The following TSGA10IP variants were observed in gnomAD, a reference collection of about 807,000 sequenced individuals.
TSGA10IP encodes the protein testis specific 10 interacting protein, also known as testis-specific protein 10-interacting protein.
Under a neutral mutation model 63.2 loss-of-function variants are expected in TSGA10IP, and 64 were observed. That is an observed-to-expected ratio of 1.01 (90% confidence interval 0.83 to 1.25). TSGA10IP has a LOEUF of 1.25. Among genes scored for constraint, TSGA10IP ranks in the 50% most tolerant of loss-of-function variants. The probability of loss-of-function intolerance (pLI) is 0.00; values close to 1 mark genes in which losing one functional copy is unlikely to be tolerated. For missense variants in TSGA10IP, 681 were observed against 710.1 expected, an observed-to-expected ratio of 0.96 and a Z score of 0.47; for synonymous variants, 316 against 298.3, an observed-to-expected ratio of 1.06 and a Z score of -0.61.
Position 65,959,928 on chromosome 11 carries a change from G to GT in TSGA10IP, c.1660dup (p.Cys554LeufsTer6). 6.2e-7 allele frequency: 1 copy of GT among 1,613,532 alleles called. No individual in the cohort carries two copies. The highest frequency in any genetic ancestry group is 1.1e-5 in the South Asian group (1 of 90,980). ...ACTACAACCCCAGCCTGGACCCGGAGTGCAGTCCCTGAGATAAAATTAAAG... is the reference window on the plus strand; with the variant it reads ...ACTACAACCCCAGCCTGGACCCGGAGTTGCAGTCCCTGAGATAAAATTAAAG... On this transcript the variant is annotated frameshift_variant, in exon 8 of 8. Coordinates refer to ENST00000532620, the Ensembl canonical transcript of TSGA10IP. LOFTEE classifies it high-confidence loss of function.
intron 1 of TSGA10IP, among the ~76,000 whole-genome samples, chr11:65,946,576 C>T (rs552592698): frequency 1.4e-4 from 21 of 151,498 alleles, no homozygotes; most frequent in Non-Finnish European, 2.6e-4. Flanking sequence ...GGATTACAGG[C>T]GCAGGCCACC....
chr11:65,953,396 C>T (rs1854971838), intron 4 of TSGA10IP, among the ~76,000 whole-genome samples, 171 bp from the exon 5 acceptor site: 1 of 152,146 alleles, frequency 6.6e-6, no homozygotes, highest in African/African-American at 2.4e-5. Context: ...GCTGAGCCTC[C>T]AGGGCAGTCT....
chr11:65,958,561 A>C (rs981863214), intron 5 of TSGA10IP, among the ~76,000 whole-genome samples: 1 of 152,188 alleles, frequency 6.6e-6, no homozygotes, highest in Non-Finnish European at 1.5e-5. Context: ...GGAAGCTCAG[A>C]AGCCAGCACT....
chr11:65,946,419 G>A (rs148463569), intron 1 of TSGA10IP, among the ~76,000 whole-genome samples: 121 of 151,638 alleles, frequency 8.0e-4, no homozygotes, highest in Admixed American at 1.6e-3. Flanking sequence ...GGTGGTGCTC[G>A]GTCGGGTTTT....
rs1196965947 is a variant in TSGA10IP at position 65,949,858 on chromosome 11, T to TG, written c.1151+1710_1151+1711insG. On this transcript the variant is annotated intron_variant, in intron 4 of 7. Coordinates refer to ENST00000532620, the Ensembl canonical transcript of TSGA10IP. ...ACATATGCATTACCTCGGTTTTTTT[T>TG]TTTTTTTTTTTTTGAGACAGAGTCT... Among the ~76,000 whole-genome samples, 30 of 143,740 alleles carry TG rather than the reference T, an allele frequency of 2.1e-4. No homozygotes were observed. The South Asian group carries it at 6.8e-3, about 32-fold the overall frequency. 94.3% of individuals were successfully genotyped at this position (143,740 alleles called of 152,430 possible).
rs778572313 is a variant in TSGA10IP, at chr11:65,945,688, ACC to A, written c.14_15del (p.Thr5ArgfsTer11). 1 of 1,612,256 alleles carries A rather than the reference ACC, an allele frequency of 6.2e-7. No homozygotes were observed. Among genetic ancestry groups the A allele is most frequent in the South Asian group, 1.1e-5 (1 of 91,072 alleles). On this transcript the variant is annotated frameshift_variant, in exon 1 of 8. Transcript: ENST00000532620. LOFTEE classifies it high-confidence loss of function. ...GGGATGGGGCAGGATGGGGCAGGAC[ACC>A]GATATGCTAAATACCTACCAACAGT...
At position 65,955,666 on chromosome 11, in the gene TSGA10IP, G is replaced by A. The variant is rs142307644; in HGVS notation, c.1322+1929G>A. Among the ~76,000 whole-genome samples the A allele has an allele frequency of 4.1e-3, 628 of 151,366 alleles. 3 individuals carry two copies. The highest frequency in any genetic ancestry group is 6.8e-3 in the Non-Finnish European group (464 of 67,924). ...TGCACGAGGGCACAGGGGCTGCAGA[G>A]CTCCTGCGAAAGGAGCCCCTGGGGC... On this transcript the variant is annotated intron_variant, in intron 5 of 7. Transcript: ENST00000532620.
In TSGA10IP at chr11:65,948,165, G is replaced by A; in HGVS notation, c.1151+17G>A. On this transcript the variant is annotated intron_variant, in intron 4 of 7. Transcript: ENST00000532620. ...AGCCACCAGGTAAGAGGGAAGAGAA[G>A]GGAGTGGGAGCCCAGAATGAGAAGT... 1 of 1,596,168 alleles carries A rather than the reference G, an allele frequency of 6.3e-7. No homozygotes were observed. Among genetic ancestry groups the A allele is most frequent in the Non-Finnish European group, 8.5e-7 (1 of 1,171,830 alleles).
At chr11:65,948,334 A>G (rs1854883930) in intron 4 of TSGA10IP, among the ~76,000 whole-genome samples, 186 bp downstream of exon 4, 1 of 152,076 alleles carries the variant, frequency 6.6e-6, no homozygotes, top group Admixed American at 6.6e-5. Context: ...CCATCCATCT[A>G]TCCAACTACT....
At chr11:65,959,870 G>A (rs1183960260) in exon 8 of TSGA10IP, 1 of 1,605,560 alleles carries the variant, frequency 6.2e-7, no homozygotes, top group South Asian at 1.1e-5. Context: ...AGGCCCCCAA[G>A]GACAGAACCC....
chr11:65,957,755 C>T (rs1855050362), intron 5 of TSGA10IP, among the ~76,000 whole-genome samples: 1 of 152,076 alleles, frequency 6.6e-6, no homozygotes, highest in Non-Finnish European at 1.5e-5. Context: ...CTCCTGTCCT[C>T]TTGTCTGCGT....
exon 5 of TSGA10IP, chr11:65,953,666 C>A (rs773016474): frequency 6.3e-7 from 1 of 1,592,496 alleles, no homozygotes; most frequent in Non-Finnish European, 8.5e-7. Context: ...AGGTGGCCCA[C>A]TGCCTGGCAG....
At position 65,946,861 on chromosome 11, in the gene TSGA10IP, C is replaced by T. The variant is rs200341478; in HGVS notation, c.148-19C>T. On this transcript the variant is annotated intron_variant, in intron 1 of 7. Coordinates refer to ENST00000532620, the Ensembl canonical transcript of TSGA10IP. Reference sequence around the variant, plus strand: ...AGGCTGCTCAAGCTGGCTGCTCCTCCCCTACTGTCTCTGCCCAGGGCTGCC... The same window carrying T: ...AGGCTGCTCAAGCTGGCTGCTCCTCTCCTACTGTCTCTGCCCAGGGCTGCC... The T allele has an allele frequency of 2.1e-4, 332 of 1,612,336 alleles. 1 individual carries two copies. Among genetic ancestry groups the T allele is most frequent in the Non-Finnish European group, 2.5e-4 (300 of 1,179,276 alleles).
chr11:65,957,843 G>T (rs1411284491), intron 5 of TSGA10IP, among the ~76,000 whole-genome samples: 2 of 152,168 alleles, frequency 1.3e-5, no homozygotes, highest in Non-Finnish European at 2.9e-5. Flanking sequence ...TGGATGCCTG[G>T]TCCCATGTGG....
Position 65,948,005 on chromosome 11 carries a change from C to T in TSGA10IP, c.1008C>T (p.Pro336=), listed in dbSNP as rs763380016. The T allele has an allele frequency of 1.5e-5, 24 of 1,559,366 alleles. 1 individual carries two copies. The South Asian group carries it at 2.8e-4, about 18-fold the overall frequency. ...ACTTGGTCCCACTGTGGGCAGGCCC[C>T]CAAAAGCTGCCCTGGAAGACTTTGA... is the stretch of plus-strand genomic sequence containing the variant. The change falls in exon 4 of 8, where the codon CCC becomes CCT. Residue 336 remains proline (P), a synonymous_variant. Coordinates refer to ENST00000532620, the Ensembl canonical transcript of TSGA10IP.
chr11:65,959,756 G>T (rs1855084242), intron 7 of TSGA10IP, 61 bp from the exon 8 acceptor site: 1 of 1,506,258 alleles, frequency 6.6e-7, no homozygotes, highest in African/African-American at 1.4e-5. Flanking sequence ...CATTGTCAGT[G>T]GTTTCCTTGG....
intron 6 of TSGA10IP, 66 bp from the exon 7 acceptor site, chr11:65,959,124 A>C: frequency 1.9e-6 from 3 of 1,577,844 alleles, no homozygotes; most frequent in Non-Finnish European, 2.6e-6. Flanking sequence ...CCCCTCAGTA[A>C]CCCGATCCCC....
At chr11:65,953,515 G>A (rs1854973629) in intron 4 of TSGA10IP, 52 bp from the exon 5 acceptor site, 1 of 1,492,304 alleles carries the variant, frequency 6.7e-7, no homozygotes, top group South Asian at 1.3e-5. Context: ...GGCCCTCCGT[G>A]AGGCTCCTGC....
chr11:65,947,550 C>T (rs375013583), exon 3 of TSGA10IP: 35 of 1,613,578 alleles, frequency 2.2e-5, no homozygotes, highest in African/African-American at 2.7e-5. Flanking sequence ...AGGAGGGGGT[C>T]GATCTCAGAG....
Sources: allele counts gnomAD v4.1 joint callset (sites outside exome capture counted in the v4.1 genomes callset), GRCh38; gene constraint gnomAD v4.1.1; transcripts MANE v1.5; gene names NCBI Gene and HGNC (gene_info 2026-07-23, HGNC 2026-07-21).